Variants in CCDC15 observed in about 807,000 individuals in gnomAD.
The protein encoded by CCDC15 is coiled-coil domain-containing protein 15.
CCDC15 carries 105 observed loss-of-function variants against 114.5 expected under a neutral mutation model. That is an observed-to-expected ratio of 0.92 (90% CI 0.78 to 1.08). CCDC15 has a LOEUF of 1.08. Ranked by LOEUF, CCDC15 falls within the 50% of genes least tolerant of loss-of-function variation. CCDC15 has a pLI of 0.00. For synonymous variants in CCDC15, 334 were observed against 377.8 expected, an observed-to-expected ratio of 0.88 and a Z score of 1.34; for missense variants, 1,105 against 1,093.6, an observed-to-expected ratio of 1.01 and a Z score of -0.15.
At chr11:125,027,782 T>C (rs528141797) in intron 13 of CCDC15, among the ~76,000 whole-genome samples, 1 of 152,280 alleles carries the variant, frequency 6.6e-6, no homozygotes, top group East Asian at 1.9e-4. Flanking sequence ...CATTTGCTTT[T>C]GGGTTCTTAG....
At chr11:124,986,588 TA>T (rs1948159828) in intron 6 of CCDC15, among the ~76,000 whole-genome samples, 153 bp from the exon 7 acceptor site, 1 of 152,212 alleles carries the variant, frequency 6.6e-6, no homozygotes, top group Non-Finnish European at 1.5e-5. Context: ...GCTGACCTAC[TA>T]AAATTATAAT....
At position 124,989,098 on chromosome 11, in the gene CCDC15, G is replaced by A. The variant is rs117173032; in HGVS notation, c.1908+964G>A. On this transcript the variant is annotated intron_variant, in intron 8 of 15. Transcript: ENST00000344762. ...ATATCTATCAGAGGAATTGCTGTCCGTGACAGAAATGTATTTTATAAATAA... is the reference window on the plus strand; with the variant it reads ...ATATCTATCAGAGGAATTGCTGTCCATGACAGAAATGTATTTTATAAATAA... Among the ~76,000 whole-genome samples the A allele has an allele frequency of 3.9e-4, 60 of 152,258 alleles. 1 individual carries two copies. In the East Asian group the frequency reaches 6.8e-3, roughly 17 times the overall value.
intron 5 of CCDC15, among the ~76,000 whole-genome samples, chr11:124,976,120 G>T (rs2135460499): frequency 6.6e-6 from 1 of 150,744 alleles, no homozygotes. Context: ...CAATAAATAT[G>T]TTATTTTTTT....
intron 2 of CCDC15, among the ~76,000 whole-genome samples, chr11:124,956,980 A>G (rs1257401045): frequency 6.6e-6 from 1 of 152,056 alleles, no homozygotes; most frequent in Non-Finnish European, 1.5e-5. Flanking sequence ...GCTTTAGACT[A>G]CCTCCCCCCA....
Position 124,987,972 on chromosome 11 carries a change from C to G in CCDC15, c.1746C>G (p.Asp582Glu). 6.2e-7 allele frequency: 1 copy of G among 1,613,952 alleles called. No homozygotes were observed. The highest frequency in any genetic ancestry group is 8.5e-7 in the Non-Finnish European group (1 of 1,179,880). Residue 582 changes from aspartate (D) to glutamate (E), a missense_variant, in exon 8 of 16, where the codon GAC becomes GAG. Transcript: ENST00000344762. Reference protein sequence around the residue: ...KDQNILPICQDQDFLPRDQGY... With the variant: ...KDQNILPICQEQDFLPRDQGY... ...AAAATATTCTACCCATATGTCAGGACCAGGATTTTCTACCCAGAGACCAAG... is the reference window on the plus strand; with the variant it reads ...AAAATATTCTACCCATATGTCAGGAGCAGGATTTTCTACCCAGAGACCAAG...
Position 124,960,011 on chromosome 11 carries a change from C to T in CCDC15, c.516+8C>T, listed in dbSNP as rs1350228039. 3 of 1,538,160 alleles carry T rather than the reference C, an allele frequency of 2.0e-6. No homozygotes were observed. The highest frequency in any genetic ancestry group is 2.6e-6 in the Non-Finnish European group (3 of 1,140,844). ...CAACAACAAGCCCAGGCTGTAAGTA[C>T]CTGTTCTTTTTATTTTATGTCTATG... On this transcript the variant is annotated splice_region_variant and intron_variant, in intron 4 of 15. Transcript: ENST00000344762.
chr11:124,978,436 A>G (rs1361069372), intron 6 of CCDC15, among the ~76,000 whole-genome samples: 1 of 152,182 alleles, frequency 6.6e-6, no homozygotes, highest in Non-Finnish European at 1.5e-5. Flanking sequence ...AAAAATCACC[A>G]AACTGCTTTC....
intron 5 of CCDC15, among the ~76,000 whole-genome samples, chr11:124,975,800 G>GT (rs1028815381): frequency 1.3e-4 from 20 of 152,086 alleles, no homozygotes; most frequent in Non-Finnish European, 1.9e-4. Flanking sequence ...ATTTTCTTCT[G>GT]TTTTTTATTT....
intron 13 of CCDC15, among the ~76,000 whole-genome samples, chr11:125,006,228 G>T (rs191083582): frequency 1.3e-5 from 2 of 152,268 alleles, no homozygotes; most frequent in East Asian, 3.9e-4. Context: ...CCAACATTTG[G>T]TGGTGTCAGT....
At position 125,038,556 on chromosome 11, in the gene CCDC15, A is replaced by G; in HGVS notation, c.2537A>G (p.Glu846Gly). The G allele has an allele frequency of 2.5e-6, 4 of 1,579,836 alleles. No individual in the cohort carries two copies. The highest frequency in any genetic ancestry group is 3.4e-6 in the Non-Finnish European group (4 of 1,164,868). The change falls in exon 14 of 16, where the codon GAA becomes GGA. Residue 846 changes from glutamate (E) to glycine (G), a missense_variant. Physicochemically the swap from Glu to Gly is moderately conservative, Grantham distance 98. Coordinates refer to ENST00000344762, the MANE Select transcript of CCDC15 (RefSeq NM_025004.3). Reference protein sequence around the residue: ...SEILAQLQLQEIKGTREKQQR... With the variant: ...SEILAQLQLQGIKGTREKQQR... ...ATATTAGCCCAGTTACAACTTCAAG[A>G]AATAAAAGGAACCAGAGAAAAACAA...
chr11:124,992,434 T>C, intron 9 of CCDC15, 146 bp from the exon 10 acceptor site: 1 of 595,714 alleles, frequency 1.7e-6, no homozygotes, highest in South Asian at 2.1e-5. Context: ...GCTAAAAGTG[T>C]AACATCTCCC....
chr11:124,958,960 A>T (rs1157342550), intron 2 of CCDC15, among the ~76,000 whole-genome samples, 155 bp from the exon 3 acceptor site: 1 of 152,214 alleles, frequency 6.6e-6, no homozygotes, highest in African/African-American at 2.4e-5. Flanking sequence ...TAAAAAATTT[A>T]AGATTTGATA....
chr11:125,008,353 T>A (rs1948566245), intron 13 of CCDC15, among the ~76,000 whole-genome samples: 1 of 152,252 alleles, frequency 6.6e-6, no homozygotes, highest in Non-Finnish European at 1.5e-5. Context: ...CGGAAAGTGA[T>A]TGACTTTTGT....
chr11:125,018,883 A>T (rs979750768), intron 13 of CCDC15, among the ~76,000 whole-genome samples: 7 of 151,870 alleles, frequency 4.6e-5, no homozygotes, highest in Middle Eastern at 3.2e-3. Context: ...ATTTGTGGGG[A>T]TAGTATAAGA....
At chr11:125,018,895 A>C (rs1283027983) in intron 13 of CCDC15, among the ~76,000 whole-genome samples, 2 of 151,928 alleles carry the variant, frequency 1.3e-5, no homozygotes, top group Non-Finnish European at 2.9e-5. Flanking sequence ...AGTATAAGAC[A>C]AAGTGGGAAT....
chr11:124,973,619 TA>T (rs892260626), intron 4 of CCDC15, among the ~76,000 whole-genome samples: 31 of 152,172 alleles, frequency 2.0e-4, no homozygotes, highest in African/African-American at 6.7e-4. Flanking sequence ...AATAAAGCCA[TA>T]AAATTTATTT....
intron 13 of CCDC15, among the ~76,000 whole-genome samples, chr11:125,007,681 T>C (rs1948562062): frequency 6.6e-6 from 1 of 152,222 alleles, no homozygotes; most frequent in African/African-American, 2.4e-5. Flanking sequence ...ATTTCTGTAT[T>C]AATTTACATT....
intron 11 of CCDC15, among the ~76,000 whole-genome samples, chr11:125,002,328 A>T (rs1948493992): frequency 6.6e-6 from 1 of 152,104 alleles, no homozygotes; most frequent in South Asian, 2.1e-4. Context: ...TGATTTGCAA[A>T]TGTTTTTCTG....
intron 13 of CCDC15, among the ~76,000 whole-genome samples, chr11:125,025,512 A>G (rs1016526473): frequency 4.6e-5 from 7 of 151,968 alleles, no homozygotes; most frequent in Admixed American, 4.6e-4. Context: ...TAGTGCTTAA[A>G]TGTTTGGTAG....
Sources: gnomAD v4.1 joint callset for allele counts (sites outside exome capture counted in the v4.1 genomes callset) on GRCh38, gnomAD v4.1.1 for gene constraint, MANE v1.5 for transcripts, NCBI Gene and HGNC (gene_info 2026-07-23, HGNC 2026-07-21) for gene names.